TP63: variants seen among roughly 807,000 people sequenced by gnomAD.
The protein encoded by TP63 is tumor protein p63, also known as tumor protein 63.
A neutral mutation model predicts 82.8 loss-of-function variants in TP63; 17 were observed. The ratio of observed to expected loss-of-function variants is 0.21; its 90% CI spans 0.14 to 0.31. TP63 has a LOEUF of 0.31. TP63 is among the 10% of genes least tolerant of loss of function. TP63 has a pLI of 1.00. For synonymous variants in TP63, 330 were observed against 321.7 expected, an observed-to-expected ratio of 1.03 and a Z score of -0.28; for missense variants, 648 against 895.3, an observed-to-expected ratio of 0.72 and a Z score of 3.52.
intron 10 of TP63, among the ~76,000 whole-genome samples, chr3:189,875,615 T>TATAC (rs1553859724): frequency 0.013 from 1,423 of 110,360 alleles, 106 homozygotes; most frequent in African/African-American, 0.052. Context: ...TATATATATA[T>TATAC]ATATATATAT....
intron 4 of TP63, among the ~76,000 whole-genome samples, chr3:189,853,641 A>G (rs1256523041): frequency 6.6e-6 from 1 of 152,022 alleles, no homozygotes; most frequent in African/African-American, 2.4e-5. Flanking sequence ...GGCTTTTTAT[A>G]CTCTATCCCC....
intron 1 of TP63, among the ~76,000 whole-genome samples, chr3:189,734,642 T>G (rs1720441267): frequency 6.6e-6 from 1 of 152,152 alleles, no homozygotes; most frequent in South Asian, 2.1e-4. Context: ...CCCACTCAAT[T>G]TTCAGCAGAT....
chr3:189,876,246 C>T (rs1442173930), intron 10 of TP63, among the ~76,000 whole-genome samples: 1 of 152,162 alleles, frequency 6.6e-6, no homozygotes, highest in Admixed American at 6.5e-5. Flanking sequence ...AGTTCAGGGG[C>T]ATATGCTAAA....
chr3:189,749,451 A>G (rs999776156), intron 3 of TP63, among the ~76,000 whole-genome samples: 24 of 152,232 alleles, frequency 1.6e-4, no homozygotes, highest in Non-Finnish European at 2.2e-4. Context: ...TGTCAGCATC[A>G]CTAATCATCA....
intron 4 of TP63, among the ~76,000 whole-genome samples, chr3:189,859,380 C>A (rs1179715966): frequency 3.3e-5 from 5 of 151,858 alleles, no homozygotes; most frequent in Non-Finnish European, 7.4e-5. Flanking sequence ...CAAAAAATAT[C>A]AAATAGTTGT....
At chr3:189,774,958 CTGTAATCCCAGCACT>C (rs1405982656) in intron 3 of TP63, among the ~76,000 whole-genome samples, 1 of 152,156 alleles carries the variant, frequency 6.6e-6, no homozygotes, top group Non-Finnish European at 1.5e-5. Context: ...TGGCTCACGC[CTGTAATCCCAGCACT>C]TTGGGAGGCA....
At chr3:189,727,964 C>G (rs1223928015) in intron 1 of TP63, among the ~76,000 whole-genome samples, 1 of 152,046 alleles carries the variant, frequency 6.6e-6, no homozygotes, top group Non-Finnish European at 1.5e-5. Flanking sequence ...TGAAATGGCT[C>G]GGAATATTAA....
chr3:189,736,002 T>A (rs187149065), intron 1 of TP63, among the ~76,000 whole-genome samples: 29 of 151,946 alleles, frequency 1.9e-4, no homozygotes, highest in Non-Finnish European at 3.8e-4. Flanking sequence ...GTACATGGGA[T>A]CTCTCTGTAT....
chr3:189,818,247 T>C (rs2378524), intron 4 of TP63, among the ~76,000 whole-genome samples: 21,811 of 151,956 alleles, frequency 0.14, 2,163 homozygotes, highest in Admixed American at 0.3. Context: ...AACAGTGTCA[T>C]AATTATGGAT....
chr3:189,656,686 A>T (rs1390165504), intron 1 of TP63, among the ~76,000 whole-genome samples: 1 of 152,164 alleles, frequency 6.6e-6, no homozygotes, highest in Non-Finnish European at 1.5e-5. Flanking sequence ...TGCCATGCTA[A>T]CACTAATATA....
chr3:189,806,944 CTATT>C (rs963394107), intron 3 of TP63, among the ~76,000 whole-genome samples: 1 of 152,128 alleles, frequency 6.6e-6, no homozygotes, highest in African/African-American at 2.4e-5. Flanking sequence ...AGCCTAGCTC[CTATT>C]TCTTTGTAAG....
At chr3:189,785,427 A>C (rs368661334) in intron 3 of TP63, among the ~76,000 whole-genome samples, 1 of 152,104 alleles carries the variant, frequency 6.6e-6, no homozygotes, top group African/African-American at 2.4e-5. Flanking sequence ...GAGAGCGTTA[A>C]GTATACAACT....
At chr3:189,762,232 G>A (rs1326862238) in intron 3 of TP63, among the ~76,000 whole-genome samples, 1 of 152,112 alleles carries the variant, frequency 6.6e-6, no homozygotes, top group Non-Finnish European at 1.5e-5. Flanking sequence ...TGCCTGTTAG[G>A]GCCACTTCAA....
chr3:189,596,856 A>G, the TP63 span, among the ~76,000 whole-genome samples: 72 of 152,234 alleles, frequency 4.7e-4, no homozygotes, highest in Admixed American at 4.6e-3. Flanking sequence ...TATGAGCTGT[A>G]ACACTCACCG....
rs1035688632 is a variant in TP63, at chr3:189,894,791, T to C, written c.*289T>C. The C allele has an allele frequency of 2.0e-5, 9 of 444,344 alleles. No individual in the cohort carries two copies. The highest frequency in any genetic ancestry group is 1.5e-4 in the African/African-American group (8 of 51,740). The allele number at this position is 444,344 out of a possible 1,614,324, so 27.5% of individuals were successfully genotyped here. On this transcript the variant is annotated 3_prime_UTR_variant, in exon 14 of 14. Coordinates refer to ENST00000264731, the MANE Select transcript of TP63 (RefSeq NM_003722.5). ...CTCCTTAAGCTGCAGAGATTTCTCA[T>C]TGACTTTTATAAAGCATGTTCACCC... is the stretch of plus-strand genomic sequence containing the variant.
intron 3 of TP63, among the ~76,000 whole-genome samples, chr3:189,744,541 T>A (rs144183710): frequency 3.9e-4 from 59 of 152,278 alleles, no homozygotes; most frequent in African/African-American, 1.4e-3. Flanking sequence ...GCATTCCTTC[T>A]GGTCACGCCC....
At chr3:189,677,905 G>T (rs778810744) in intron 1 of TP63, among the ~76,000 whole-genome samples, 1 of 151,884 alleles carries the variant, frequency 6.6e-6, no homozygotes, top group Non-Finnish European at 1.5e-5. Context: ...TCTGAAACGT[G>T]TCTGTTCATG....
upstream of TP63, among the ~76,000 whole-genome samples, chr3:189,627,543 TTAAG>T (rs1423310126): frequency 6.6e-6 from 1 of 152,164 alleles, no homozygotes; most frequent in African/African-American, 2.4e-5. Context: ...TTGATTAAAA[TTAAG>T]TAAGAATAAA....
chr3:189,829,946 T>C (rs75715827), intron 4 of TP63: 17,601 of 362,802 alleles, frequency 0.049, 510 homozygotes, highest in Non-Finnish European at 0.062. Flanking sequence ...TCATCTGATA[T>C]ACAATATTTT....
Sources: allele counts gnomAD v4.1 joint callset (sites outside exome capture counted in the v4.1 genomes callset), GRCh38; gene constraint gnomAD v4.1.1; transcripts MANE v1.5; gene names NCBI Gene and HGNC (gene_info 2026-07-23, HGNC 2026-07-21).